AMBRA1: variants seen among roughly 807,000 people sequenced by gnomAD.
The protein encoded by AMBRA1 is autophagy and beclin 1 regulator 1, also known as activating molecule in BECN1-regulated autophagy protein 1.
Under a neutral mutation model 125.4 loss-of-function variants are expected in AMBRA1, and 47 were observed. The ratio of observed to expected loss-of-function variants is 0.37; its 90% CI spans 0.30 to 0.48. The LOEUF is 0.48. Among genes scored for constraint, AMBRA1 ranks in the 20% least tolerant of loss-of-function variants. The pLI is 0.99. For missense variants in AMBRA1, 1,331 were observed against 1,693.4 expected (o/e 0.79, Z 3.76); for synonymous variants, 626 against 655.5 (o/e 0.95, Z 0.69).
Position 46,528,112 on chromosome 11 carries a change from A to G in AMBRA1, c.2072+13833T>C, listed in dbSNP as rs147444932. On this transcript the variant is annotated intron_variant, in intron 7 of 17. Transcript: ENST00000683756. ...AAATGTGGTATATACATAGAATGGAATATTATTCAGCCTTTGAAAAGAAGG... is the reference window on the plus strand; with the variant it reads ...AAATGTGGTATATACATAGAATGGAGTATTATTCAGCCTTTGAAAAGAAGG... Among the ~76,000 whole-genome samples the G allele has an allele frequency of 4.6e-3, 700 of 152,360 alleles. 28 individuals are homozygous for G. Among genetic ancestry groups the G allele is most frequent in the Non-Finnish European group, 7.3e-4 (50 of 68,030 alleles).
At chr11:46,518,738 T>G (rs61882721) in intron 7 of AMBRA1, among the ~76,000 whole-genome samples, 3,183 of 152,256 alleles carry the variant, frequency 0.021, 49 homozygotes, top group Non-Finnish European at 0.032. Context: ...AACTTGAAAT[T>G]AAAGTATTGT....
At chr11:46,513,738 G>C (rs1419743409) in intron 7 of AMBRA1, among the ~76,000 whole-genome samples, 1 of 152,158 alleles carries the variant, frequency 6.6e-6, no homozygotes, top group African/African-American at 2.4e-5. Context: ...AAACAGGAAG[G>C]TCTGTGGCCC....
intron 1 of AMBRA1, among the ~76,000 whole-genome samples, chr11:46,558,745 T>G (rs767171530): frequency 2.6e-5 from 4 of 152,162 alleles, no homozygotes; most frequent in Non-Finnish European, 5.9e-5. Flanking sequence ...ATCACACTGG[T>G]GATCCTTTCT....
chr11:46,472,388 G>C (rs74974187), intron 11 of AMBRA1, among the ~76,000 whole-genome samples: 1,785 of 152,308 alleles, frequency 0.012, 43 homozygotes, highest in African/African-American at 0.041. Flanking sequence ...TAACCTGGGT[G>C]CTAGGACATA....
intron 9 of AMBRA1, among the ~76,000 whole-genome samples, chr11:46,505,747 G>A (rs1007228622): frequency 3.9e-5 from 6 of 151,966 alleles, no homozygotes; most frequent in African/African-American, 1.5e-4. Context: ...GAAAATCGAG[G>A]GGGAAGGAAG....
At chr11:46,585,724 TC>T (rs2044374089) in intron 1 of AMBRA1, among the ~76,000 whole-genome samples, 1 of 80,590 alleles carries the variant, frequency 1.2e-5, no homozygotes, top group Admixed American at 1.4e-4. Flanking sequence ...ATATATATAT[TC>T]CTAGCTTCCC....
chr11:46,543,076 C>CA lies in AMBRA1; in HGVS notation c.940dup (p.Cys314LeufsTer88). ...GAGGGAAGGAACTCGAGTGCCAGAG[C>CA]AGCGGCTGCAAAGGCACAGGATCCC... On this transcript the variant is annotated frameshift_variant, in exon 7 of 18. Coordinates refer to ENST00000683756, the MANE Select transcript of AMBRA1 (RefSeq NM_001387011.1). LOFTEE classifies it high-confidence loss of function. 1 of 1,595,200 alleles carries CA rather than the reference C, an allele frequency of 6.3e-7. No homozygotes were observed. The highest frequency in any genetic ancestry group is 8.5e-7 in the Non-Finnish European group (1 of 1,177,912).
intron 15 of AMBRA1, among the ~76,000 whole-genome samples, chr11:46,412,818 G>C (rs1451423311): frequency 6.6e-6 from 1 of 152,216 alleles, no homozygotes; most frequent in African/African-American, 2.4e-5. Flanking sequence ...TAAATGGCCA[G>C]AAGTAACAGC....
At chr11:46,449,418 C>T (rs956911503) in intron 11 of AMBRA1, among the ~76,000 whole-genome samples, 2 of 152,152 alleles carry the variant, frequency 1.3e-5, no homozygotes, top group Non-Finnish European at 2.9e-5. Flanking sequence ...TAAAAATACA[C>T]CACCACTTAC....
In AMBRA1 at chr11:46,542,019, T is replaced by C. The variant is rs1362418908; in HGVS notation, c.1998A>G (p.Arg666=). Residue 666 remains arginine (R), a synonymous_variant, in exon 7 of 18, where the codon AGA becomes AGG. Transcript: ENST00000683756. The surrounding 1 kb of genome is among the most constrained non-coding windows in gnomAD (Gnocchi z 5.9). ...HWERIYTQSS[R]SGTVSQEALH... Reference sequence around the variant, plus strand: ...AGGCCTCCTGTGACACAGTTCCAGATCTGCTGGACTGGGTGTAAATTCTTT... The same window carrying C: ...AGGCCTCCTGTGACACAGTTCCAGACCTGCTGGACTGGGTGTAAATTCTTT... The C allele has an allele frequency of 3.1e-6, 5 of 1,614,072 alleles. No homozygotes were observed. Among genetic ancestry groups the C allele is most frequent in the South Asian group, 2.2e-5 (2 of 91,068 alleles).
intron 9 of AMBRA1, among the ~76,000 whole-genome samples, chr11:46,507,796 A>T (rs1042879409): frequency 3.3e-5 from 5 of 152,174 alleles, no homozygotes; most frequent in Non-Finnish European, 7.4e-5. Flanking sequence ...CAACATCTCC[A>T]CAGCTACTCT....
chr11:46,452,257 T>C (rs1948639851), intron 11 of AMBRA1, among the ~76,000 whole-genome samples: 1 of 152,230 alleles, frequency 6.6e-6, no homozygotes, highest in Non-Finnish European at 1.5e-5. Context: ...TTCATTTGTT[T>C]ACCAGCTCAC....
chr11:46,450,776 CTA>C (rs1373240845), intron 11 of AMBRA1, among the ~76,000 whole-genome samples: 1 of 152,180 alleles, frequency 6.6e-6, no homozygotes, highest in Non-Finnish European at 1.5e-5. Context: ...AAGTTATTTT[CTA>C]TGTTACTACA....
chr11:46,403,373 CTT>C (rs1468347815), intron 17 of AMBRA1, among the ~76,000 whole-genome samples: 1 of 152,212 alleles, frequency 6.6e-6, no homozygotes, highest in East Asian at 1.9e-4. Context: ...TACCGACCAT[CTT>C]CACCAGACAA....
chr11:46,529,155 G>A (rs1242361996), intron 7 of AMBRA1, among the ~76,000 whole-genome samples: 1 of 152,190 alleles, frequency 6.6e-6, no homozygotes, highest in Non-Finnish European at 1.5e-5. Flanking sequence ...AAGGTGCTCT[G>A]CAAAAGGTGC....
At chr11:46,577,806 C>T (rs1195179159) in intron 1 of AMBRA1, among the ~76,000 whole-genome samples, 2 of 151,838 alleles carry the variant, frequency 1.3e-5, no homozygotes, top group East Asian at 1.9e-4. Flanking sequence ...CAAAATGTGC[C>T]GGGCATCGTG....
intron 1 of AMBRA1, among the ~76,000 whole-genome samples, chr11:46,577,936 G>C (rs2044017917): frequency 6.6e-6 from 1 of 151,884 alleles, no homozygotes; most frequent in African/African-American, 2.4e-5. Context: ...GGCAACAAGA[G>C]TAAAACTCCA....
At chr11:46,580,859 T>A (rs979919166) in intron 1 of AMBRA1, among the ~76,000 whole-genome samples, 4 of 152,158 alleles carry the variant, frequency 2.6e-5, no homozygotes, top group African/African-American at 4.8e-5. Flanking sequence ...TATCATGGTT[T>A]AAGCTAACTG....
chr11:46,593,849 G>C lies in AMBRA1; in HGVS notation c.-142C>G, dbSNP rs968939237. On this transcript the variant is annotated 5_prime_UTR_variant, in exon 1 of 18. Transcript: ENST00000683756. The stretch of plus-strand genomic sequence containing the variant: ...CTACCTGCAAGGCAGACGGGAGCTC[G>C]GTTTGCAGTCCAGCGAACGGGCTGA... The C allele has an allele frequency of 2.5e-6, 1 of 397,160 alleles. No individual in the cohort carries two copies. The allele number at this position is 397,160 out of a possible 1,614,324, so 24.6% of individuals were successfully genotyped here.
Sources: allele counts gnomAD v4.1 joint callset (sites outside exome capture counted in the v4.1 genomes callset), GRCh38; gene constraint gnomAD v4.1.1; non-coding constraint Gnocchi (gnomAD v3.1); transcripts MANE v1.5; gene names NCBI Gene and HGNC (gene_info 2026-07-23, HGNC 2026-07-21).